The following NEFH variants were observed in gnomAD, a reference collection of about 807,000 sequenced individuals.
The protein encoded by NEFH is neurofilament heavy polypeptide.
NEFH carries 58 observed loss-of-function variants against 56.6 expected under a neutral mutation model. That is an observed-to-expected ratio of 1.03 (90% confidence interval 0.83 to 1.28). The LOEUF (loss-of-function observed/expected upper bound fraction) is 1.28. Among genes scored for constraint, NEFH ranks in the 50% most tolerant of loss-of-function variants. NEFH has a pLI of 0.00. For missense variants in NEFH, 1,221 were observed against 1,307.6 expected (o/e 0.93, Z 1.02); for synonymous variants, 542 against 545.8 (o/e 0.99, Z 0.10).
intron 2 of NEFH, among the ~76,000 whole-genome samples, chr22:29,484,357 C>T (rs552866413): frequency 1.4e-4 from 22 of 152,084 alleles, no homozygotes; most frequent in Admixed American, 1.4e-3. Context: ...AGATAACTGG[C>T]GGCTGGGCCT....
In NEFH at chr22:29,480,671, G is replaced by T. The variant is rs754799725; in HGVS notation, c.409G>T (p.Ala137Ser). The T allele has an allele frequency of 6.5e-7, 1 of 1,547,038 alleles. No homozygotes were observed. Among genetic ancestry groups the T allele is most frequent in the Middle Eastern group, 2.3e-4 (1 of 4,418 alleles). The change falls in exon 1 of 4, where the codon GCG (alanine) becomes TCG (serine). Residue 137 changes from alanine (A) to serine (S), a missense_variant. Ala to Ser is a moderately conservative substitution (Grantham distance 99, BLOSUM62 1). Transcript: ENST00000310624. ...GGCTGCGGCGCTGCGGCAGCAGCAG[G>T]CGGGCCGCTCCGCTATGGGCGAGCT... ...GEAAALRQQQ[A>S]GRSAMGELYE...
At chr22:29,481,851 C>T (rs1236171757) in intron 1 of NEFH, among the ~76,000 whole-genome samples, 1 of 152,190 alleles carries the variant, frequency 6.6e-6, no homozygotes, top group African/African-American at 2.4e-5. Context: ...AGCCCTGAGT[C>T]AGCTAGATTG....
At position 29,490,260 on chromosome 22, in the gene NEFH, G is replaced by A. The variant is rs561524600; in HGVS notation, c.2620G>A (p.Val874Met). The A allele has an allele frequency of 1.6e-5, 26 of 1,612,218 alleles. No individual in the cohort carries two copies. The highest frequency in any genetic ancestry group is 2.2e-5 in the East Asian group (1 of 44,850). Residue 874 changes from valine (V) to methionine (M), a missense_variant, in exon 4 of 4, where the codon GTG becomes ATG. Coordinates refer to ENST00000310624, the MANE Select transcript of NEFH (RefSeq NM_021076.4). Reference sequence around the variant, plus strand: ...CAAGAAGGAGGCTCCAAAGCCCAAGGTGGAGGAGAAGAAGGAACCTGCTGT... The same window carrying A: ...CAAGAAGGAGGCTCCAAAGCCCAAGATGGAGGAGAAGAAGGAACCTGCTGT... ...APKKEAPKPKVEEKKEPAVEK... is the reference protein window; with the variant it reads ...APKKEAPKPKMEEKKEPAVEK...
At chr22:29,485,683 C>T in intron 2 of NEFH, 40 bp from the exon 3 acceptor site, 2 of 1,605,174 alleles carry the variant, frequency 1.2e-6, no homozygotes, top group Non-Finnish European at 1.7e-6. Context: ...GAGGGCCAGA[C>T]ACTGGCTGGC....
At position 29,489,970 on chromosome 22, in the gene NEFH, C is replaced by T. The variant is rs199748453; in HGVS notation, c.2330C>T (p.Pro777Leu). The T allele has an allele frequency of 1.8e-4, 296 of 1,613,168 alleles. No individual in the cohort carries two copies. The highest frequency in any genetic ancestry group is 2.5e-4 in the Non-Finnish European group (290 of 1,179,832). The change falls in exon 4 of 4, where the codon CCT becomes CTT. Residue 777 changes from proline (P) to leucine (L), a missense_variant. Transcript: ENST00000310624. ...KTPAKEEARS[P>L]ADKFPEKAKS... is the part of the protein sequence containing the mutation. Reference sequence around the variant, plus strand: ...CCAGCGAAGGAGGAAGCAAGGTCCCCTGCAGACAAATTCCCTGAAAAGGCC... The same window carrying T: ...CCAGCGAAGGAGGAAGCAAGGTCCCTTGCAGACAAATTCCCTGAAAAGGCC...
At chr22:29,484,700 G>A (rs2063033829) in intron 2 of NEFH, among the ~76,000 whole-genome samples, 1 of 152,096 alleles carries the variant, frequency 6.6e-6, no homozygotes, top group South Asian at 2.1e-4. Flanking sequence ...ATGGTTGTGT[G>A]TGCCTACAGT....
rs7288867 is a variant in NEFH, at chr22:29,480,385, T to C, written c.123T>C (p.Ala41=). The C allele has an allele frequency of 0.012, 18,039 of 1,536,072 alleles. 1,760 individuals carry two copies. The African/African-American group carries it at 0.22, about 18-fold the overall frequency. The change falls in exon 1 of 4, where the codon GCT becomes GCC. Residue 41 remains alanine (A), a synonymous_variant. Coordinates refer to ENST00000310624, the MANE Select transcript of NEFH (RefSeq NM_021076.4). ...KGGAGGTRSA[A]GSSSGFHSWT... is the part of the protein sequence containing the mutation. Reference sequence around the variant, plus strand: ...GCGCAGGCGGGACGCGCTCCGCCGCTGGCTCCTCCAGCGGCTTCCACTCGT... The same window carrying C: ...GCGCAGGCGGGACGCGCTCCGCCGCCGGCTCCTCCAGCGGCTTCCACTCGT...
In NEFH at chr22:29,480,997, C is replaced by A. The variant is rs1009478060; in HGVS notation, c.735C>A (p.Ile245=). ...AGGTGGGCGAGCTGCTCGGCCAGAT[C>A]CAGGGCTCCGGCGCCGCGCAGGCGC... ...QEEVGELLGQ[I]QGSGAAQAQM... Residue 245 remains isoleucine, a synonymous_variant, in exon 1 of 4, where the codon ATC becomes ATA. Coordinates refer to ENST00000310624, the MANE Select transcript of NEFH (RefSeq NM_021076.4). 6.5e-7 allele frequency: 1 copy of A among 1,531,898 alleles called. No individual in the cohort carries two copies. Among genetic ancestry groups the A allele is most frequent in the Non-Finnish European group, 8.7e-7 (1 of 1,145,546 alleles). The allele number at this position is 1,531,898 out of a possible 1,614,324, so 94.9% of individuals were successfully genotyped here.
chr22:29,483,768 G>GAA (rs361680), intron 2 of NEFH, among the ~76,000 whole-genome samples, 194 bp downstream of exon 2: 13 of 56,688 alleles, frequency 2.3e-4, no homozygotes, highest in East Asian at 1.0e-3. Context: ...TTCCAGCCAT[G>GAA]AAAAAAAAAA....
In NEFH at chr22:29,490,403, A is replaced by C; in HGVS notation, c.2763A>C (p.Lys921Asn). 1.9e-6 allele frequency: 3 copies of C among 1,611,872 alleles called. No individual in the cohort carries two copies. The change falls in exon 4 of 4, where the codon AAA becomes AAC. Residue 921 changes from lysine (K) to asparagine (N), a missense_variant. By Grantham distance (94) the Lys-to-Asn change is moderately conservative. Coordinates refer to ENST00000310624, the MANE Select transcript of NEFH (RefSeq NM_021076.4). ...PAKVEVKEDA[K>N]PKEKTEVAKK... ...AGGTGGAGGTGAAGGAAGACGCTAA[A>C]CCCAAAGAAAAGACAGAGGTAGCCA...
chr22:29,487,179 G>A (rs1336205947), intron 3 of NEFH, among the ~76,000 whole-genome samples: 1 of 152,054 alleles, frequency 6.6e-6, no homozygotes, highest in Admixed American at 6.6e-5. Flanking sequence ...AGACCGGGGG[G>A]AGCAGGGCTA....
chr22:29,481,892 A>G (rs768682587), intron 1 of NEFH, among the ~76,000 whole-genome samples: 2 of 152,180 alleles, frequency 1.3e-5, no homozygotes, highest in South Asian at 4.1e-4. Context: ...CAGCAGCTGC[A>G]GGGTGACCTT....
chr22:29,483,471 C>G lies in NEFH; in HGVS notation c.980C>G (p.Ala327Gly). Residue 327 changes from alanine (A) to glycine (G), a missense_variant, in exon 2 of 4, where the codon GCC becomes GGC. This residue lies in a region of NEFH where 640 missense variants were observed against 555.5 expected (regional missense o/e 1.15). Coordinates refer to ENST00000310624, the MANE Select transcript of NEFH (RefSeq NM_021076.4). The stretch of plus-strand genomic sequence containing the variant: ...ACTGAGTACCGGCGTCAGCTGCAGG[C>G]CAGGACCACAGAGCTGGAGGCACTG... ...EITEYRRQLQ[A>G]RTTELEALKS... 6.2e-7 allele frequency: 1 copy of G among 1,614,056 alleles called. No homozygotes were observed. Among genetic ancestry groups the G allele is most frequent in the Non-Finnish European group, 8.5e-7 (1 of 1,180,028 alleles).
At chr22:29,482,508 A>AAG (rs2063018116) in intron 1 of NEFH, among the ~76,000 whole-genome samples, 1 of 152,178 alleles carries the variant, frequency 6.6e-6, no homozygotes, top group Non-Finnish European at 1.5e-5. Context: ...AGCTAGGTGG[A>AAG]GAAAGGGACA....
In NEFH at chr22:29,483,581, A is replaced by G. The variant is rs2063025738; in HGVS notation, c.1083+7A>G. 1.2e-6 allele frequency: 2 copies of G among 1,613,286 alleles called. No individual in the cohort carries two copies. The highest frequency in any genetic ancestry group is 1.3e-5 in the African/African-American group (1 of 75,042). On this transcript the variant is annotated splice_region_variant and intron_variant, in intron 2 of 3. Transcript: ENST00000310624. The stretch of plus-strand genomic sequence containing the variant: ...CGACATTGCCTCCTACCAGGTGGGC[A>G]GGGGCAAGGCAGACAGCCAGACTGC...
Position 29,485,611 on chromosome 22 carries a change from G to A in NEFH, c.1084-112G>A, listed in dbSNP as rs182522818. On this transcript the variant is annotated intron_variant, in intron 2 of 3. Coordinates refer to ENST00000310624, the MANE Select transcript of NEFH (RefSeq NM_021076.4). ...TCTGGCAGGGTTGGGGTTGGCCCCA[G>A]TGAGCCTGGCTGGATGGGCCTGCTC... The A allele has an allele frequency of 1.2e-4, 170 of 1,404,694 alleles. No individual in the cohort carries two copies. The African/African-American group carries it at 2.2e-3, about 18-fold the overall frequency. The allele number at this position is 1,404,694 out of a possible 1,614,324, so 87.0% of individuals were successfully genotyped here.
chr22:29,489,162 G>A lies in NEFH; in HGVS notation c.1522G>A (p.Glu508Lys), dbSNP rs771615819. The change falls in exon 4 of 4, where the codon GAG (glutamate) becomes AAG (lysine). Residue 508 changes from glutamate to lysine, a missense_variant. Physicochemically the swap from Glu to Lys is moderately conservative, Grantham distance 56. This residue lies in a region of NEFH where 243 missense variants were observed against 299.1 expected (regional missense o/e 0.81). Coordinates refer to ENST00000310624, the MANE Select transcript of NEFH (RefSeq NM_021076.4). Reference sequence around the variant, plus strand: ...AGAAACAAAGTCTCCCCCAGCAGAAGAGGCTGCATCCCCAGAGAAGGAAGC... The same window carrying A: ...AGAAACAAAGTCTCCCCCAGCAGAAAAGGCTGCATCCCCAGAGAAGGAAGC... ...EEETKSPPAEEAASPEKEAKS... is the reference protein window; with the variant it reads ...EEETKSPPAEKAASPEKEAKS... 1 of 1,613,934 alleles carries A rather than the reference G, an allele frequency of 6.2e-7. No individual in the cohort carries two copies. Among genetic ancestry groups the A allele is most frequent in the Non-Finnish European group, 8.5e-7 (1 of 1,179,950 alleles).
intron 3 of NEFH, among the ~76,000 whole-genome samples, chr22:29,488,160 C>T (rs900483740): frequency 2.0e-5 from 3 of 152,102 alleles, no homozygotes; most frequent in South Asian, 2.1e-4. Context: ...GTCAGGAGTT[C>T]GAGACCAGCC....
chr22:29,485,940 A>C (rs1602967969), intron 3 of NEFH, 93 bp downstream of exon 3: 1 of 1,425,230 alleles, frequency 7.0e-7, no homozygotes, highest in South Asian at 1.2e-5. Flanking sequence ...TAGGCAGCCT[A>C]CCTGTCTTAG....
Sources: allele counts gnomAD v4.1 joint callset (sites outside exome capture counted in the v4.1 genomes callset), GRCh38; gene constraint gnomAD v4.1.1; regional missense constraint gnomAD v4.1.1; transcripts MANE v1.5; gene names NCBI Gene and HGNC (gene_info 2026-07-23, HGNC 2026-07-21).